PCDHA4: variants seen among roughly 807,000 people sequenced by gnomAD.
The protein encoded by PCDHA4 is protocadherin alpha-4.
Under a neutral mutation model 61.4 loss-of-function variants are expected in PCDHA4, and 49 were observed. The ratio of observed to expected loss-of-function variants is 0.80; its 90% CI spans 0.63 to 1.01. The LOEUF is 1.01. PCDHA4 is among the 50% of genes least tolerant of loss of function. The pLI is 0.00. For missense variants in PCDHA4, 1,254 were observed against 1,235.8 expected (o/e 1.01, Z -0.22); for synonymous variants, 590 against 550.3 (o/e 1.07, Z -1.01).
chr5:140,832,113 T>G (rs1554133464), intron 1 of PCDHA4, among the ~76,000 whole-genome samples: 1 of 152,230 alleles, frequency 6.6e-6, no homozygotes, highest in Non-Finnish European at 1.5e-5. Flanking sequence ...TAAAAGCAAT[T>G]TAAAATGTGT....
chr5:140,917,952 GA>G (rs1180047836), intron 1 of PCDHA4, among the ~76,000 whole-genome samples: 1 of 152,002 alleles, frequency 6.6e-6, no homozygotes, highest in Non-Finnish European at 1.5e-5. Flanking sequence ...AGTTTGATAG[GA>G]ACATCATTGA....
At chr5:140,954,222 G>A (rs2094999300) in intron 1 of PCDHA4, among the ~76,000 whole-genome samples, 1 of 152,132 alleles carries the variant, frequency 6.6e-6, no homozygotes, top group African/African-American at 2.4e-5. Context: ...TTTTGCTATT[G>A]TGAATAGTGC....
At chr5:140,841,890 A>G in intron 1 of PCDHA4, 1 of 1,613,830 alleles carries the variant, frequency 6.2e-7, no homozygotes, top group Non-Finnish European at 8.5e-7. Flanking sequence ...GATGAGAATA[A>G]ACTGGTTGAG....
intron 1 of PCDHA4, chr5:140,847,751 C>T (rs1781170062): frequency 1.3e-5 from 2 of 149,804 alleles, no homozygotes; most frequent in Non-Finnish European, 3.0e-5. Context: ...CCCCACGCAA[C>T]ACAAGACCTT....
intron 1 of PCDHA4, among the ~76,000 whole-genome samples, chr5:140,951,543 C>G (rs246041): frequency 0.56 from 85,284 of 151,440 alleles, 24,613 homozygotes; most frequent in African/African-American, 0.69. Flanking sequence ...GAGCAAGGGA[C>G]GGGGGGAAGT....
chr5:140,866,646 A>G (rs2049474250), intron 1 of PCDHA4: 1 of 152,112 alleles, frequency 6.6e-6, no homozygotes, highest in Admixed American at 6.5e-5. Context: ...GTCAAAATTT[A>G]TTTATGTGTT....
intron 1 of PCDHA4, among the ~76,000 whole-genome samples, chr5:140,946,310 A>G (rs562859671): frequency 2.6e-5 from 4 of 152,074 alleles, no homozygotes; most frequent in African/African-American, 4.8e-5. Context: ...TAGAATGGCT[A>G]TTATTGAAAG....
rs368920437 is a variant in PCDHA4, at chr5:140,857,660, G to T, written c.2385+48088G>T. On this transcript the variant is annotated intron_variant, in intron 1 of 3. Coordinates refer to ENST00000530339, the MANE Select transcript of PCDHA4 (RefSeq NM_018907.4). ...GCTACAGTTCCAGGTGAGCGCGCGC[G>T]ATGGGGGCGTGCCGCCTCTGGGCAG... is the stretch of plus-strand genomic sequence containing the variant. 1.2e-5 allele frequency: 19 copies of T among 1,596,850 alleles called. 2 individuals are homozygous for T. In the East Asian group the frequency reaches 1.3e-4, roughly 11 times the overall value.
chr5:140,875,485 G>C (rs367652529), intron 1 of PCDHA4: 10 of 1,611,542 alleles, frequency 6.2e-6, no homozygotes, highest in Non-Finnish European at 7.6e-6. Context: ...GGTGATTATC[G>C]GACCAAGAGG....
At position 140,843,179 on chromosome 5, in the gene PCDHA4, A is replaced by T. The variant is rs1554139831; in HGVS notation, c.2385+33607A>T. On this transcript the variant is annotated intron_variant, in intron 1 of 3. Transcript: ENST00000530339. Reference sequence around the variant, plus strand: ...GCAGCCAGCTGCAAGCAGCCCTCGCATCCCGTTCCGCGTGGGGCTGTACAC... The same window carrying T: ...GCAGCCAGCTGCAAGCAGCCCTCGCTTCCCGTTCCGCGTGGGGCTGTACAC... 4 of 1,595,858 alleles carry T rather than the reference A, an allele frequency of 2.5e-6. 1 individual carries two copies. In the Admixed American group the frequency reaches 5.1e-5, roughly 20 times the overall value.
At chr5:140,996,590 C>G (rs1325471388) in intron 3 of PCDHA4, among the ~76,000 whole-genome samples, 7 of 152,096 alleles carry the variant, frequency 4.6e-5, no homozygotes, top group African/African-American at 1.7e-4. Context: ...CAAGGGCCGC[C>G]TCCCCCCATT....
intron 1 of PCDHA4, among the ~76,000 whole-genome samples, chr5:140,941,058 T>C (rs1554213707): frequency 6.6e-6 from 1 of 152,106 alleles, no homozygotes; most frequent in East Asian, 1.9e-4. Context: ...TCCCCAGCAG[T>C]TTTCTGGGCT....
chr5:140,848,730 C>T (rs1554142389), intron 1 of PCDHA4: 1 of 1,592,676 alleles, frequency 6.3e-7, no homozygotes, highest in Admixed American at 1.7e-5. Flanking sequence ...GGAGGTAAAT[C>T]TGCAGAATGG....
At chr5:140,838,240 A>C (rs181955850) in intron 1 of PCDHA4, among the ~76,000 whole-genome samples, 1 of 150,206 alleles carries the variant, frequency 6.7e-6, no homozygotes, top group Admixed American at 6.6e-5. Context: ...CAGTCTCCCA[A>C]GTAGCTGGGA....
intron 1 of PCDHA4, chr5:140,824,627 T>TTTTTTG (rs1554130003): frequency 3.7e-5 from 5 of 134,070 alleles, no homozygotes; most frequent in African/African-American, 1.6e-4. Flanking sequence ...TTTTTTTTTT[T>TTTTTTG]TTTTTATTTT....
At chr5:140,848,946 C>T (rs2150425951) in intron 1 of PCDHA4, 32 of 1,607,242 alleles carry the variant, frequency 2.0e-5, no homozygotes, top group Non-Finnish European at 2.5e-5. Flanking sequence ...GCTTGACTCT[C>T]GGTTTCCACT....
chr5:140,858,249 A>G lies in PCDHA4; in HGVS notation c.2385+48677A>G, dbSNP rs782165070. Reference sequence around the variant, plus strand: ...ACCGAGGGCGCATGTGGGCCGGTGAAGCCCACGCTGGTGTGCTCTAGCGCG... The same window carrying G: ...ACCGAGGGCGCATGTGGGCCGGTGAGGCCCACGCTGGTGTGCTCTAGCGCG... On this transcript the variant is annotated intron_variant, in intron 1 of 3. Coordinates refer to ENST00000530339, the MANE Select transcript of PCDHA4 (RefSeq NM_018907.4). 53 of 1,596,100 alleles carry G rather than the reference A, an allele frequency of 3.3e-5. 6 individuals are homozygous for G. The highest frequency in any genetic ancestry group is 4.5e-5 in the Non-Finnish European group (52 of 1,166,170).
chr5:140,900,063 G>A (rs1554188862), intron 1 of PCDHA4, among the ~76,000 whole-genome samples: 3 of 152,122 alleles, frequency 2.0e-5, no homozygotes, highest in African/African-American at 7.2e-5. Context: ...TTTAACCTCA[G>A]CCTCCAAAAG....
intron 1 of PCDHA4, among the ~76,000 whole-genome samples, chr5:140,957,202 A>G (rs75358038): frequency 1.8e-4 from 28 of 152,316 alleles, no homozygotes; most frequent in Non-Finnish European, 2.9e-4. Flanking sequence ...TGGGAATATA[A>G]ATAGGCACAA....
Sources: allele counts gnomAD v4.1 joint callset (sites outside exome capture counted in the v4.1 genomes callset), GRCh38; gene constraint gnomAD v4.1.1; transcripts MANE v1.5; gene names NCBI Gene and HGNC (gene_info 2026-07-23, HGNC 2026-07-21).